TTC21B: variants seen among roughly 807,000 people sequenced by gnomAD.
TTC21B encodes tetratricopeptide repeat protein 21B.
A neutral mutation model predicts 175.1 loss-of-function variants in TTC21B; 127 were observed. The observed-to-expected ratio is 0.73, with a 90% CI of 0.63 to 0.84. TTC21B has a LOEUF of 0.84. Among genes scored for constraint, TTC21B ranks in the 40% least tolerant of loss-of-function variants. The pLI is 0.00. For missense variants in TTC21B, 1,561 were observed against 1,558.3 expected, an observed-to-expected ratio of 1.00 and a Z score of -0.03; for synonymous variants, 524 against 524.5, an observed-to-expected ratio of 1.00 and a Z score of 0.01.
At position 165,943,049 on chromosome 2, in the gene TTC21B, C is replaced by T. The variant is rs550354195; in HGVS notation, c.552+170G>A. Among the ~76,000 whole-genome samples, 16 of 152,326 alleles carry T rather than the reference C, an allele frequency of 1.1e-4. No homozygotes were observed. The East Asian group carries it at 2.9e-3, about 28-fold the overall frequency. ...GAACTCTGGCAGGGAATACATTTCT[C>T]TAGTGTATTGCTCATTGTCCTACAC... On this transcript the variant is annotated intron_variant, in intron 5 of 28. Coordinates refer to ENST00000243344, the MANE Select transcript of TTC21B (RefSeq NM_024753.5).
At position 165,901,737 on chromosome 2, in the gene TTC21B, GC is replaced by G. The variant is rs754911118; in HGVS notation, c.2741del (p.Cys914SerfsTer43). 1.7e-5 allele frequency: 28 copies of G among 1,613,538 alleles called. No individual in the cohort carries two copies. The highest frequency in any genetic ancestry group is 2.3e-5 in the Non-Finnish European group (27 of 1,179,670). ...AGGTACTGACCTTATTATCTGTTTC[GC>G]AGTGAACCAGAGCCTCTCTATAAAA... ...IKFYREALVH[C>X]ETDNKIMLEL... On this transcript the variant is annotated frameshift_variant, in exon 20 of 29. Coordinates refer to ENST00000243344, the MANE Select transcript of TTC21B (RefSeq NM_024753.5). LOFTEE classifies it high-confidence loss of function.
In TTC21B at chr2:165,930,277, T is replaced by C. The variant is rs776387596; in HGVS notation, c.982A>G (p.Thr328Ala). ...SLNPQQSEFA[T>A]ELGYQMILQG... The stretch of plus-strand genomic sequence containing the variant: ...AAAATCATTTGGTATCCAAGTTCTG[T>C]AGCAAATTCTGATTGCTGAGGGTTT... The change falls in exon 9 of 29, where the codon ACA (threonine) becomes GCA (alanine). Residue 328 changes from threonine to alanine, a missense_variant. Coordinates refer to ENST00000243344, the MANE Select transcript of TTC21B (RefSeq NM_024753.5). The C allele has an allele frequency of 6.8e-6, 11 of 1,613,312 alleles. No homozygotes were observed. The highest frequency in any genetic ancestry group is 1.7e-5 in the Admixed American group (1 of 59,962).
At chr2:165,929,975 C>T (rs994232720) in intron 9 of TTC21B, among the ~76,000 whole-genome samples, 197 bp downstream of exon 9, 6 of 151,844 alleles carry the variant, frequency 4.0e-5, no homozygotes, top group Admixed American at 6.6e-5. Flanking sequence ...ATAGGAACCA[C>T]GTTATAAAAA....
intron 22 of TTC21B, 158 bp downstream of exon 22, chr2:165,898,528 T>C (rs989391845): frequency 4.3e-5 from 30 of 694,050 alleles, no homozygotes; most frequent in African/African-American, 3.7e-4. Flanking sequence ...GCAATTTCCT[T>C]ATAGCCATTT....
intron 15 of TTC21B, among the ~76,000 whole-genome samples, chr2:165,914,698 T>TGTGTGCGCGCGCGCGCGCGTGTGTGTG (rs71031214): frequency 7.6e-6 from 1 of 132,376 alleles, no homozygotes; most frequent in African/African-American, 3.1e-5. Context: ...TGTGTGTGTG[T>TGTGTGCGCGCGCGCGCGCGTGTGTGTG]TGTGTATCCC....
rs76161386 is a variant in TTC21B at position 165,935,237 on chromosome 2, A to T, written c.711-2180T>A. Among the ~76,000 whole-genome samples the T allele has an allele frequency of 7.2e-3, 1,093 of 152,310 alleles. 15 individuals carry two copies. The highest frequency in any genetic ancestry group is 0.025 in the African/African-American group (1,038 of 41,574). ...AAACATTCTTCTATTACACTGAATC[A>T]TTATATGTTTAGATCTGTTTTTGTA... is the stretch of plus-strand genomic sequence containing the variant. On this transcript the variant is annotated intron_variant, in intron 6 of 28. Coordinates refer to ENST00000243344, the MANE Select transcript of TTC21B (RefSeq NM_024753.5).
chr2:165,894,617 G>A (rs578096052), intron 22 of TTC21B, among the ~76,000 whole-genome samples: 3 of 152,146 alleles, frequency 2.0e-5, no homozygotes, highest in South Asian at 4.1e-4. Context: ...CTCTGTCACC[G>A]AGGCTGGAGT....
intron 5 of TTC21B, among the ~76,000 whole-genome samples, chr2:165,942,046 G>C (rs1374968892): frequency 1.3e-5 from 2 of 152,128 alleles, no homozygotes; most frequent in Non-Finnish European, 2.9e-5. Context: ...TTATCAACTA[G>C]CTTTTCTTTA....
chr2:165,880,878 C>A (rs1038874720), intron 26 of TTC21B, 79 bp from the exon 27 acceptor site: 4 of 1,418,936 alleles, frequency 2.8e-6, no homozygotes, highest in Non-Finnish European at 3.9e-6. Flanking sequence ...CTATAGAGGT[C>A]AATCATATCA....
At chr2:165,944,025 A>G (rs1687462889) in intron 4 of TTC21B, among the ~76,000 whole-genome samples, 1 of 152,108 alleles carries the variant, frequency 6.6e-6, no homozygotes, top group Non-Finnish European at 1.5e-5. Flanking sequence ...TTAACTGACA[A>G]ATTTATAAAC....
At chr2:165,896,088 G>A (rs1685352293) in intron 22 of TTC21B, among the ~76,000 whole-genome samples, 2 of 147,968 alleles carry the variant, frequency 1.4e-5, no homozygotes, top group African/African-American at 5.0e-5. Flanking sequence ...GAGTTGCCCT[G>A]CTTGAAGGAT....
At chr2:165,886,047 C>T (rs1470130468) in intron 25 of TTC21B, among the ~76,000 whole-genome samples, 2 of 152,216 alleles carry the variant, frequency 1.3e-5, no homozygotes, top group East Asian at 1.9e-4. Context: ...TGTCACATAC[C>T]TCTTTTTTGG....
chr2:165,931,995 GGAT>G, intron 7 of TTC21B, 139 bp from the exon 8 acceptor site: 2 of 659,888 alleles, frequency 3.0e-6, no homozygotes, highest in African/African-American at 1.8e-5. Flanking sequence ...CTCCTTCAAT[GGAT>G]GATTATATGT....
In TTC21B at chr2:165,927,147, TATATATATATATATATCCTAACAG is replaced by T. The variant is rs1686682535; in HGVS notation, c.1386+1964_1386+1987del. ...ATATATATATATATATCCTAGTAGT[TATATATATATATATATCCTAACAG>T]TTATATATATATATATCCTAGTAGT... On this transcript the variant is annotated intron_variant, in intron 11 of 28. Transcript: ENST00000243344. 5.9e-4 allele frequency among the ~76,000 whole-genome samples: 32 copies of T among 54,594 alleles called. 4 individuals are homozygous for T. In the Admixed American group the frequency reaches 8.2e-3, roughly 14 times the overall value. The allele number at this position is 54,594 out of a possible 152,430, so 35.8% of individuals were successfully genotyped here.
rs796225219 is a variant in TTC21B at position 165,943,168 on chromosome 2, T to C, written c.552+51A>G. On this transcript the variant is annotated intron_variant, in intron 5 of 28. Coordinates refer to ENST00000243344, the MANE Select transcript of TTC21B (RefSeq NM_024753.5). ...ACTTGGTTTTGTCAGGTTTCAAATA[T>C]ATTATGAATATATTTTGAAACATGA... 5.0e-6 allele frequency: 8 copies of C among 1,592,694 alleles called. No homozygotes were observed. The African/African-American group carries it at 1.1e-4, about 21-fold the overall frequency.
chr2:165,882,143 A>C (rs1234628946), intron 26 of TTC21B, among the ~76,000 whole-genome samples: 1 of 152,120 alleles, frequency 6.6e-6, no homozygotes, highest in Non-Finnish European at 1.5e-5. Flanking sequence ...AGAATGTCTG[A>C]TTCTCCCTCT....
chr2:165,880,887 C>T, intron 26 of TTC21B, 88 bp from the exon 27 acceptor site: 1 of 1,364,930 alleles, frequency 7.3e-7, no homozygotes, highest in Non-Finnish European at 1.0e-6. Flanking sequence ...TCAATCATAT[C>T]AACCCATTTA....
chr2:165,941,010 A>G lies in TTC21B; in HGVS notation c.710+17T>C, dbSNP rs746105483. ...AACCAAATCCAAAGAGACTTGTGTC[A>G]TCTTTTATTACTTAACCTTTGTGCT... On this transcript the variant is annotated intron_variant, in intron 6 of 28. Transcript: ENST00000243344. 1 of 1,612,968 alleles carries G rather than the reference A, an allele frequency of 6.2e-7. No individual in the cohort carries two copies. The highest frequency in any genetic ancestry group is 8.5e-7 in the Non-Finnish European group (1 of 1,178,996).
intron 21 of TTC21B, 141 bp downstream of exon 21, chr2:165,899,629 T>G (rs990786631): frequency 5.7e-6 from 4 of 697,534 alleles, no homozygotes; most frequent in Admixed American, 4.2e-5. Flanking sequence ...ATTGGTAAAA[T>G]GTAGTAATGT....
Sources: gnomAD v4.1 joint callset for allele counts (sites outside exome capture counted in the v4.1 genomes callset) on GRCh38, gnomAD v4.1.1 for gene constraint, MANE v1.5 for transcripts, NCBI Gene and HGNC (gene_info 2026-07-23, HGNC 2026-07-21) for gene names.